The following CDH12 variants were observed in gnomAD, a reference collection of about 807,000 sequenced individuals.
The protein encoded by CDH12 is cadherin 12.
Under a neutral mutation model 74.1 loss-of-function variants are expected in CDH12, and 41 were observed. That is an observed-to-expected ratio of 0.55 (90% CI 0.43 to 0.72). The LOEUF (loss-of-function observed/expected upper bound fraction) is 0.72, where lower values mean the gene tolerates loss of function less well. Among genes scored for constraint, CDH12 ranks in the 30% least tolerant of loss-of-function variants. The pLI, the probability that CDH12 is intolerant of heterozygous loss-of-function variation, is 0.00. For synonymous variants in CDH12, 399 were observed against 355.0 expected (o/e 1.12, Z -1.39); for missense variants, 945 against 977.2 (o/e 0.97, Z 0.44).
intron 1 of CDH12, among the ~76,000 whole-genome samples, chr5:22,648,374 A>G (rs898090087): frequency 6.6e-6 from 1 of 151,872 alleles, no homozygotes; most frequent in African/African-American, 2.4e-5. Context: ...AAGTTCTTAT[A>G]TAATTCTTTG....
At chr5:22,119,345 C>A (rs780104951) in intron 4 of CDH12, among the ~76,000 whole-genome samples, 1 of 134,334 alleles carries the variant, frequency 7.4e-6, no homozygotes, top group African/African-American at 2.8e-5. Context: ...GGCTGGAGTG[C>A]GGTGGCCTGA....
intron 1 of CDH12, among the ~76,000 whole-genome samples, chr5:22,722,118 A>C (rs1743929643): frequency 6.6e-6 from 1 of 152,190 alleles, no homozygotes; most frequent in African/African-American, 2.4e-5. Flanking sequence ...TGACAATTGT[A>C]ACATGGATTA....
At chr5:22,574,037 A>C (rs188307868) in intron 1 of CDH12, among the ~76,000 whole-genome samples, 4 of 144,970 alleles carry the variant, frequency 2.8e-5, no homozygotes, top group Admixed American at 2.0e-4. Flanking sequence ...CTTTACCTTA[A>C]GTCTTTTTCA....
chr5:22,648,110 A>T (rs1453381595), intron 1 of CDH12, among the ~76,000 whole-genome samples: 1 of 151,862 alleles, frequency 6.6e-6, no homozygotes, highest in Non-Finnish European at 1.5e-5. Flanking sequence ...TGCCAACCTT[A>T]CATATATACA....
intron 5 of CDH12, among the ~76,000 whole-genome samples, chr5:21,977,306 A>G (rs1403431989): frequency 6.6e-6 from 1 of 152,158 alleles, no homozygotes; most frequent in Non-Finnish European, 1.5e-5. Flanking sequence ...AGTTTCAAGC[A>G]TAAAATCAAG....
chr5:22,387,264 A>C (rs997388740), intron 3 of CDH12, among the ~76,000 whole-genome samples: 1 of 151,844 alleles, frequency 6.6e-6, no homozygotes, highest in African/African-American at 2.4e-5. Flanking sequence ...AAAACATTAC[A>C]ATTTTTAAAA....
chr5:22,498,901 C>CTTTTTTTTTTTTTTTTTTT (rs34550762), intron 2 of CDH12, among the ~76,000 whole-genome samples: 5 of 73,434 alleles, frequency 6.8e-5, no homozygotes, highest in East Asian at 3.5e-4. Context: ...TTTTCTGTTT[C>CTTTTTTTTTTTTTTTTTTT]TTTTTTTTTT....
rs564691055 is a variant in CDH12, at chr5:22,718,709, G to T, written c.-523+134349C>A. Among the ~76,000 whole-genome samples, 3 of 152,206 alleles carry T rather than the reference G, an allele frequency of 2.0e-5. No individual in the cohort carries two copies. In the South Asian group the frequency reaches 6.2e-4, roughly 32 times the overall value. On this transcript the variant is annotated intron_variant, in intron 1 of 14. Transcript: ENST00000382254. Reference sequence around the variant, plus strand: ...AAGTATTGGTCTGAATCTCCAGGAAGGGCTGCAAACTAAAGGCCAGCGAGG... The same window carrying T: ...AAGTATTGGTCTGAATCTCCAGGAATGGCTGCAAACTAAAGGCCAGCGAGG...
chr5:22,025,355 T>A (rs530914293), intron 5 of CDH12, among the ~76,000 whole-genome samples: 1 of 152,314 alleles, frequency 6.6e-6, no homozygotes, highest in Admixed American at 6.5e-5. Flanking sequence ...CATAATTGTT[T>A]GGTTTCCCAG....
At chr5:22,197,372 C>T (rs749288756) in intron 4 of CDH12, among the ~76,000 whole-genome samples, 21 of 152,046 alleles carry the variant, frequency 1.4e-4, no homozygotes, top group African/African-American at 3.6e-4. Flanking sequence ...GGTGTGAACC[C>T]GGGAGGCGAG....
At chr5:22,756,683 C>T (rs973564309) in intron 1 of CDH12, among the ~76,000 whole-genome samples, 4 of 152,034 alleles carry the variant, frequency 2.6e-5, no homozygotes, top group African/African-American at 7.3e-5. Flanking sequence ...TGTTACTGGC[C>T]GGACGCGGTG....
At chr5:21,819,079 T>C (rs1379394055) in intron 8 of CDH12, among the ~76,000 whole-genome samples, 1 of 151,966 alleles carries the variant, frequency 6.6e-6, no homozygotes, top group Non-Finnish European at 1.5e-5. Flanking sequence ...AACAAAAGAA[T>C]GGGTTACATT....
At chr5:21,802,444 TA>T in intron 9 of CDH12, 24 bp from the exon 10 acceptor site, 1 of 1,593,076 alleles carries the variant, frequency 6.3e-7, no homozygotes, top group Non-Finnish European at 8.6e-7. Flanking sequence ...AAATTAAGAA[TA>T]AGGAGTAAAT....
At chr5:22,491,477 T>C (rs1404115230) in intron 2 of CDH12, among the ~76,000 whole-genome samples, 1 of 152,050 alleles carries the variant, frequency 6.6e-6, no homozygotes, top group Non-Finnish European at 1.5e-5. Context: ...TTAACTAGGA[T>C]TGCCATAATA....
intron 2 of CDH12, among the ~76,000 whole-genome samples, chr5:22,448,049 G>A (rs897215003): frequency 6.8e-6 from 1 of 147,090 alleles, no homozygotes; most frequent in Admixed American, 6.9e-5. Flanking sequence ...CTACTCAGGA[G>A]GCCAGAAGTG....
intron 1 of CDH12, among the ~76,000 whole-genome samples, chr5:22,532,341 T>C (rs1432313572): frequency 3.2e-5 from 1 of 31,352 alleles, no homozygotes; most frequent in Non-Finnish European, 6.7e-5. Flanking sequence ...AGATAAATTA[T>C]ATAAATAGGA....
intron 4 of CDH12, among the ~76,000 whole-genome samples, chr5:22,183,218 A>G (rs1749741697): frequency 1.3e-5 from 2 of 150,954 alleles, no homozygotes; most frequent in African/African-American, 4.9e-5. Flanking sequence ...ATAAAAACCA[A>G]GCGAAGTGAG....
intron 4 of CDH12, among the ~76,000 whole-genome samples, chr5:22,198,423 G>A (rs1002280818): frequency 1.3e-5 from 2 of 152,020 alleles, no homozygotes; most frequent in African/African-American, 4.8e-5. Flanking sequence ...GTTAGAAACA[G>A]GCATTTCTGA....
At chr5:22,110,370 T>C (rs1275634423) in intron 4 of CDH12, among the ~76,000 whole-genome samples, 12 of 151,502 alleles carry the variant, frequency 7.9e-5, no homozygotes, top group Admixed American at 7.9e-4. Flanking sequence ...AAAAGTTTAA[T>C]AGACATGAGG....
Sources: allele counts gnomAD v4.1 joint callset (sites outside exome capture counted in the v4.1 genomes callset), GRCh38; gene constraint gnomAD v4.1.1; transcripts MANE v1.5; gene names NCBI Gene and HGNC (gene_info 2026-07-23, HGNC 2026-07-21).